The following CBL variants were observed in gnomAD, a reference collection of about 807,000 sequenced individuals.
CBL encodes the protein E3 ubiquitin-protein ligase CBL.
Under a neutral mutation model 96.9 loss-of-function variants are expected in CBL, and 45 were observed. The observed-to-expected ratio is 0.46, with a 90% confidence interval of 0.37 to 0.60. The LOEUF (loss-of-function observed/expected upper bound fraction) is 0.60, where lower values mean the gene tolerates loss of function less well. Among genes scored for constraint, CBL ranks in the 20% least tolerant of loss-of-function variants. CBL has a pLI of 0.00. For synonymous variants in CBL, 420 were observed against 426.8 expected, an observed-to-expected ratio of 0.98 and a Z score of 0.20; for missense variants, 1,024 against 1,143.5, an observed-to-expected ratio of 0.90 and a Z score of 1.51.
chr11:119,297,148 AAGAT>A (rs1331164897), intron 13 of CBL, 114 bp downstream of exon 13: 2 of 783,992 alleles, frequency 2.6e-6, no homozygotes, highest in African/African-American at 3.4e-5. Context: ...TTAAAGCAGA[AAGAT>A]AAAGATAAAT....
At chr11:119,222,902 G>A (rs73003006) in intron 1 of CBL, among the ~76,000 whole-genome samples, 9,029 of 152,168 alleles carry the variant, frequency 0.059, 376 homozygotes, top group Non-Finnish European at 0.091. Flanking sequence ...GCCAGGCGTG[G>A]TGGCTCTTGC....
chr11:119,285,577 A>C lies in CBL; in HGVS notation c.1941+11A>C, dbSNP rs762373943. On this transcript the variant is annotated intron_variant, in intron 11 of 15. Coordinates refer to ENST00000264033, the MANE Select transcript of CBL (RefSeq NM_005188.4). ...CTGGATACCTCCATGGTGAGTCTTA[A>C]TTTTGAAACTATCTAACCTGTTAAG... The C allele has an allele frequency of 2.5e-6, 4 of 1,613,194 alleles. No individual in the cohort carries two copies. In the East Asian group the frequency reaches 8.9e-5, roughly 36 times the overall value.
rs201364280 is a variant in CBL, at chr11:119,252,045, G to GT, written c.443+19358dup. ...TGTAAACTTCAATCCTGGCAGCTTA[G>GT]TTTTTTTTACTCTTATTTGTTGTGA... On this transcript the variant is annotated intron_variant, in intron 2 of 15. Coordinates refer to ENST00000264033, the MANE Select transcript of CBL (RefSeq NM_005188.4). Among the ~76,000 whole-genome samples, 1,133 of 150,542 alleles carry GT rather than the reference G, an allele frequency of 7.5e-3. 12 individuals carry two copies. Among genetic ancestry groups the GT allele is most frequent in the African/African-American group, 0.022 (918 of 40,946 alleles).
At chr11:119,229,698 A>G (rs1255409981) in intron 1 of CBL, among the ~76,000 whole-genome samples, 1 of 151,906 alleles carries the variant, frequency 6.6e-6, no homozygotes, top group Admixed American at 6.6e-5. Flanking sequence ...TAGTTTTACA[A>G]TTTTCATATT....
In CBL at chr11:119,297,451, G is replaced by A. The variant is rs1468165055; in HGVS notation, c.2221G>A (p.Ala741Thr). ...AGCAATGTATAATATTCAGTCCCAG[G>A]CGCCATCTATCACCGAGAGCAGCAC... ...YEAMYNIQSQ[A>T]PSITESSTFG... is the part of the protein sequence containing the mutation. The change falls in exon 14 of 16, where the codon GCG becomes ACG. Residue 741 changes from alanine (A) to threonine (T), a missense_variant. Ala to Thr is a moderately conservative substitution (Grantham distance 58). Transcript: ENST00000264033. 6.2e-7 allele frequency: 1 copy of A among 1,613,444 alleles called. No homozygotes were observed. Among genetic ancestry groups the A allele is most frequent in the Non-Finnish European group, 8.5e-7 (1 of 1,179,784 alleles).
chr11:119,214,993 C>T (rs1285813003), intron 1 of CBL, among the ~76,000 whole-genome samples: 1 of 140,812 alleles, frequency 7.1e-6, no homozygotes, highest in Non-Finnish European at 1.5e-5. Flanking sequence ...TATTGTAAAA[C>T]ATGATTTGTG....
chr11:119,224,593 G>A (rs746902467), intron 1 of CBL, among the ~76,000 whole-genome samples: 1 of 152,052 alleles, frequency 6.6e-6, no homozygotes, highest in African/African-American at 2.4e-5. Flanking sequence ...ATTATTTTTT[G>A]TATTTTTTGT....
At chr11:119,297,555 G>A in intron 14 of CBL, 74 bp downstream of exon 14, 1 of 1,123,584 alleles carries the variant, frequency 8.9e-7, no homozygotes, top group South Asian at 1.3e-5. Context: ...TGGCAATTGA[G>A]ATAGCTTGAT....
chr11:119,285,038 GA>G lies in CBL; in HGVS notation c.1502del (p.Asp501AlafsTer114). The G allele has an allele frequency of 6.2e-7, 1 of 1,614,106 alleles. No homozygotes were observed. The highest frequency in any genetic ancestry group is 8.5e-7 in the Non-Finnish European group (1 of 1,180,022). On this transcript the variant is annotated frameshift_variant, in exon 10 of 16. Transcript: ENST00000264033. LOFTEE classifies it high-confidence loss of function. ...CCTTCCCCCGGTGCCACCACGACTT[GA>G]CCTTCTGCCGCAGCGAGTATGTGTT... ...ASLPPVPPRLDLLPQRVCVPS... is the reference protein window; with the variant it reads ...ASLPPVPPRLXLLPQRVCVPS...
rs1260000842 is a variant in CBL, at chr11:119,306,731, T to C, written c.*6950T>C. The stretch of plus-strand genomic sequence containing the variant: ...GAGTGAGCCTGCAACGCAATGCCCA[T>C]GAGAGTAAATGCCTCCTGACCTACC... On this transcript the variant is annotated 3_prime_UTR_variant, in exon 16 of 16. Coordinates refer to ENST00000264033, the MANE Select transcript of CBL (RefSeq NM_005188.4). The C allele has an allele frequency of 4.1e-6, 1 of 246,278 alleles. No individual in the cohort carries two copies. Among genetic ancestry groups the C allele is most frequent in the Non-Finnish European group, 7.9e-6 (1 of 127,136 alleles). 15.3% of individuals were successfully genotyped at this position (246,278 alleles called of 1,614,324 possible). A position where few individuals can be genotyped will look rare whatever the true frequency, so the allele number is the denominator to read the frequency against.
intron 5 of CBL, among the ~76,000 whole-genome samples, chr11:119,275,176 C>T (rs928664286): frequency 2.0e-5 from 3 of 152,236 alleles, no homozygotes; most frequent in African/African-American, 7.2e-5. Flanking sequence ...CACAGTGGCT[C>T]ACGCCTGTCA....
chr11:119,283,187 T>C (rs78801935), intron 9 of CBL, among the ~76,000 whole-genome samples: 3,931 of 152,316 alleles, frequency 0.026, 148 homozygotes, highest in African/African-American at 0.087. Context: ...AGGATATAGC[T>C]ACTGACAAAA....
chr11:119,306,730 A>G lies in CBL; in HGVS notation c.*6949A>G, dbSNP rs2135327469. The G allele has an allele frequency of 4.1e-6, 1 of 246,332 alleles. No homozygotes were observed. Among genetic ancestry groups the G allele is most frequent in the Non-Finnish European group, 7.9e-6 (1 of 127,126 alleles). 15.3% of individuals were successfully genotyped at this position (246,332 alleles called of 1,614,324 possible). On this transcript the variant is annotated 3_prime_UTR_variant, in exon 16 of 16. Transcript: ENST00000264033. ...TGAGTGAGCCTGCAACGCAATGCCC[A>G]TGAGAGTAAATGCCTCCTGACCTAC...
At chr11:119,274,067 C>T (rs749203554) in intron 4 of CBL, 43 bp downstream of exon 4, 19 of 1,283,216 alleles carry the variant, frequency 1.5e-5, no homozygotes, top group South Asian at 1.3e-4. Context: ...ACTGCTACTT[C>T]GGTGAAGAGA....
chr11:119,223,184 CTTT>C (rs1167302746), intron 1 of CBL, among the ~76,000 whole-genome samples: 15,203 of 66,868 alleles, frequency 0.23, 2,020 homozygotes, highest in East Asian at 0.37. Context: ...CACACCCTTC[CTTT>C]TTTTTTTTTT....
intron 12 of CBL, among the ~76,000 whole-genome samples, chr11:119,292,297 T>A (rs2135316443): frequency 6.6e-6 from 1 of 152,196 alleles, no homozygotes; most frequent in African/African-American, 2.4e-5. Context: ...TCCCTCTTTG[T>A]CCTCCTCTTC....
intron 2 of CBL, among the ~76,000 whole-genome samples, chr11:119,270,637 G>A (rs1266480365): frequency 6.0e-5 from 9 of 149,530 alleles, no homozygotes; most frequent in African/African-American, 2.0e-4. Flanking sequence ...TAGTAGAGAC[G>A]GGGTTTCACC....
At chr11:119,211,757 G>C (rs1166085348) in intron 1 of CBL, among the ~76,000 whole-genome samples, 2 of 151,844 alleles carry the variant, frequency 1.3e-5, no homozygotes, top group Admixed American at 6.6e-5. Context: ...GCCTGCCTCA[G>C]CTTCCAAAAG....
In CBL at chr11:119,277,763, G is replaced by A. The variant is rs1390761732; in HGVS notation, c.1014G>A (p.Leu338=). Residue 338 remains leucine (L), a synonymous_variant, in exon 7 of 16, where the codon TTG becomes TTA. Transcript: ENST00000264033. ...GGTTGGTTACTCTTTACAGCTATTT[G>A]TTTCCTGATGGACGAAATCAGAATC... ...LIDGFREGFY[L]FPDGRNQNPD... 6.2e-7 allele frequency: 1 copy of A among 1,613,306 alleles called. No homozygotes were observed.
Sources: allele counts gnomAD v4.1 joint callset (sites outside exome capture counted in the v4.1 genomes callset), GRCh38; gene constraint gnomAD v4.1.1; transcripts MANE v1.5; gene names NCBI Gene and HGNC (gene_info 2026-07-23, HGNC 2026-07-21).